The following MECOM variants were observed in gnomAD, a reference collection of about 807,000 sequenced individuals.
MECOM encodes the protein histone-lysine N-methyltransferase MECOM.
A neutral mutation model predicts 116.3 loss-of-function variants in MECOM; 13 were observed. The observed-to-expected ratio is 0.11, with a 90% CI of 0.07 to 0.18. MECOM has a LOEUF of 0.18. MECOM is among the 10% of genes least tolerant of loss of function. The pLI is 1.00. For synonymous variants in MECOM, 528 were observed against 535.2 expected (o/e 0.99, Z 0.19); for missense variants, 1,299 against 1,509.0 (o/e 0.86, Z 2.31).
At chr3:169,100,460 G>GA (rs199588364) in intron 12 of MECOM, among the ~76,000 whole-genome samples, 2 of 151,938 alleles carry the variant, frequency 1.3e-5, no homozygotes, top group African/African-American at 4.8e-5. Flanking sequence ...TGTGCTGGGG[G>GA]AAAAAAAGTA....
intron 1 of MECOM, among the ~76,000 whole-genome samples, chr3:169,391,665 A>G (rs987132861): frequency 1.3e-5 from 2 of 152,220 alleles, no homozygotes; most frequent in African/African-American, 4.8e-5. Flanking sequence ...GTGTATACAT[A>G]CACCAAATAG....
intron 2 of MECOM, among the ~76,000 whole-genome samples, chr3:169,334,644 G>A (rs939095549): frequency 6.6e-6 from 1 of 152,046 alleles, no homozygotes; most frequent in Non-Finnish European, 1.5e-5. Context: ...AAGTACACTG[G>A]GAAGACAATC....
At chr3:169,485,816 T>C (rs1752058377) in intron 1 of MECOM, among the ~76,000 whole-genome samples, 1 of 145,074 alleles carries the variant, frequency 6.9e-6, no homozygotes, top group African/African-American at 2.6e-5. Flanking sequence ...ATTCTTCCTC[T>C]AAATATATAT....
intron 1 of MECOM, among the ~76,000 whole-genome samples, chr3:169,488,112 G>T (rs770640656): frequency 5.3e-5 from 8 of 151,942 alleles, no homozygotes; most frequent in Non-Finnish European, 1.2e-4. Context: ...AATTATAATG[G>T]CAAATTTCAA....
chr3:169,121,322 C>A, intron 6 of MECOM, 113 bp from the exon 7 acceptor site: 1 of 1,145,264 alleles, frequency 8.7e-7, no homozygotes, highest in Non-Finnish European at 1.2e-6. Context: ...TTTCTTTTCC[C>A]CAAAGACCAA....
chr3:169,371,150 A>G (rs1730033021), intron 2 of MECOM, among the ~76,000 whole-genome samples: 1 of 152,014 alleles, frequency 6.6e-6, no homozygotes, highest in Non-Finnish European at 1.5e-5. Context: ...AAAATGTGGT[A>G]CATACACAAT....
chr3:169,594,154 C>CAAAAAAAAAAAAAA (rs34331048), intron 1 of MECOM, among the ~76,000 whole-genome samples: 5 of 45,728 alleles, frequency 1.1e-4, no homozygotes, highest in African/African-American at 4.8e-4. Flanking sequence ...ACCACCACCA[C>CAAAAAAAAAAAAAA]AAAAAAAAAA....
rs1718791139 is a variant in MECOM at position 169,089,070 on chromosome 3, A to G, written c.3515T>C (p.Leu1172Pro). Residue 1172 changes from leucine to proline, a missense_variant, in exon 16 of 17, where the codon CTG becomes CCG. Around this residue, in one of 6 missense-constraint regions of MECOM, gnomAD observed 273 missense variants for 289.3 expected, o/e 0.94. Coordinates refer to ENST00000651503, the MANE Select transcript of MECOM (RefSeq NM_004991.4). The part of the protein sequence containing the change: ...MEDNQYSEAE[L>P]SSFSTSHVPE... ...CACATGGGAAGTACTAAAAGAAGAC[A>G]GCTCAGCTTCAGAATATTGATTATC... 29 of 1,610,916 alleles carry G rather than the reference A, an allele frequency of 1.8e-5. No homozygotes were observed. The highest frequency in any genetic ancestry group is 2.4e-5 in the Non-Finnish European group (28 of 1,178,622).
chr3:169,088,862 A>G (rs940399342), intron 16 of MECOM, 138 bp downstream of exon 16: 8 of 700,930 alleles, frequency 1.1e-5, no homozygotes, highest in African/African-American at 1.9e-5. Context: ...AAAGATATGA[A>G]CATTTTTAGA....
At chr3:169,129,012 A>G (rs932256518) in intron 4 of MECOM, among the ~76,000 whole-genome samples, 5 of 152,168 alleles carry the variant, frequency 3.3e-5, no homozygotes, top group Non-Finnish European at 7.4e-5. Context: ...TCCCTCTTTT[A>G]TAGACCTATG....
chr3:169,497,050 A>G (rs749189375), intron 1 of MECOM, among the ~76,000 whole-genome samples: 3 of 152,230 alleles, frequency 2.0e-5, no homozygotes, highest in African/African-American at 4.8e-5. Flanking sequence ...TTATAAATTC[A>G]TAACACATTA....
At chr3:169,208,207 ATG>A (rs147356930) in intron 2 of MECOM, among the ~76,000 whole-genome samples, 1,683 of 147,902 alleles carry the variant, frequency 0.011, 13 homozygotes, top group Non-Finnish European at 0.019. Context: ...ATATATATAT[ATG>A]TGTGTGTGTG....
At chr3:169,147,591 A>G (rs1740290769) in intron 2 of MECOM, 1 of 985,412 alleles carries the variant, frequency 1.0e-6, no homozygotes, top group Non-Finnish European at 1.2e-6. Context: ...CTGATTATGG[A>G]TGCACCATCC....
chr3:169,117,916 CTTATT>C (rs1360981433), intron 7 of MECOM, among the ~76,000 whole-genome samples: 2 of 152,070 alleles, frequency 1.3e-5, no homozygotes, highest in Non-Finnish European at 2.9e-5. Context: ...TATGTGTGAG[CTTATT>C]TTAACACTTC....
chr3:169,321,036 T>C (rs1720760644), intron 2 of MECOM, among the ~76,000 whole-genome samples: 1 of 152,160 alleles, frequency 6.6e-6, no homozygotes, highest in South Asian at 2.1e-4. Flanking sequence ...GGGTCTGTGC[T>C]TCAAAGCTGG....
chr3:169,207,540 G>C (rs566996293), intron 2 of MECOM, among the ~76,000 whole-genome samples: 1 of 152,188 alleles, frequency 6.6e-6, no homozygotes, highest in East Asian at 1.9e-4. Flanking sequence ...TGGTGGTACA[G>C]GTTTAAAGAT....
chr3:169,613,161 A>G (rs1479023482), intron 1 of MECOM, among the ~76,000 whole-genome samples: 1 of 152,252 alleles, frequency 6.6e-6, no homozygotes, highest in Non-Finnish European at 1.5e-5. Flanking sequence ...TATTCATAAC[A>G]GGATTTCAAC....
chr3:169,209,255 G>C (rs2149469625), intron 2 of MECOM, among the ~76,000 whole-genome samples: 1 of 152,184 alleles, frequency 6.6e-6, no homozygotes, highest in East Asian at 1.9e-4. Context: ...AAAAATCCTA[G>C]AAGAAAACCT....
chr3:169,430,484 GCT>G (rs557848780), intron 1 of MECOM, among the ~76,000 whole-genome samples: 42 of 151,960 alleles, frequency 2.8e-4, no homozygotes, highest in African/African-American at 8.2e-4. Context: ...AAAACTAATA[GCT>G]CTCAGGTTCT....
Sources: allele counts gnomAD v4.1 joint callset (sites outside exome capture counted in the v4.1 genomes callset), GRCh38; gene constraint gnomAD v4.1.1; regional missense constraint gnomAD v4.1.1; transcripts MANE v1.5; gene names NCBI Gene and HGNC (gene_info 2026-07-23, HGNC 2026-07-21).